The following CNOT4 variants were observed in gnomAD, a reference collection of about 807,000 sequenced individuals.
CNOT4 encodes the protein CCR4-NOT transcription complex subunit 4.
A neutral mutation model predicts 73.8 loss-of-function variants in CNOT4; 8 were observed. The observed-to-expected ratio is 0.11, with a 90% CI of 0.06 to 0.20. The LOEUF is 0.20. CNOT4 is among the 10% of genes least tolerant of loss of function. The pLI is 1.00. For synonymous variants in CNOT4, 293 were observed against 321.1 expected, an observed-to-expected ratio of 0.91 and a Z score of 0.94; for missense variants, 564 against 883.4, an observed-to-expected ratio of 0.64 and a Z score of 4.58.
intron 10 of CNOT4, chr7:135,387,140 AT>A: frequency 1.0e-6 from 1 of 978,224 alleles, no homozygotes; most frequent in Non-Finnish European, 1.2e-6. Flanking sequence ...TAAAAGACTG[AT>A]AATAAGTCTA....
In CNOT4 at chr7:135,442,459, C is replaced by T. The variant is rs545932083; in HGVS notation, c.-92-4036G>A. Among the ~76,000 whole-genome samples the T allele has an allele frequency of 1.3e-3, 204 of 151,950 alleles. 1 individual carries two copies. The highest frequency in any genetic ancestry group is 4.6e-3 in the African/African-American group (190 of 41,454). On this transcript the variant is annotated intron_variant, in intron 1 of 11. Coordinates refer to ENST00000541284, the MANE Select transcript of CNOT4 (RefSeq NM_001190850.2). ...TAAAAATACAAAAAAATTAGCCGAG[C>T]GTGTTGGTGCATGCCTGTAATCCCA...
chr7:135,434,843 A>G (rs1799057516), intron 2 of CNOT4, among the ~76,000 whole-genome samples: 1 of 152,144 alleles, frequency 6.6e-6, no homozygotes, highest in Non-Finnish European at 1.5e-5. Context: ...TCCCCATTTC[A>G]GTTAATGGCC....
chr7:135,413,986 T>C (rs1797715092), intron 5 of CNOT4, among the ~76,000 whole-genome samples: 1 of 152,044 alleles, frequency 6.6e-6, no homozygotes. Flanking sequence ...AAGCTTTGCT[T>C]AGTGGGACTC....
intron 1 of CNOT4, among the ~76,000 whole-genome samples, chr7:135,463,367 G>A: frequency 6.6e-6 from 1 of 151,998 alleles, no homozygotes; most frequent in African/African-American, 2.4e-5. Context: ...CTGAAACCCT[G>A]TCTCTATTAA....
intron 2 of CNOT4, among the ~76,000 whole-genome samples, chr7:135,437,478 C>T (rs540481192): frequency 2.9e-4 from 44 of 151,782 alleles, no homozygotes; most frequent in African/African-American, 7.5e-4. Context: ...CGTGAGCCAC[C>T]GCGCCCGGCC....
At chr7:135,411,881 G>A (rs1324694757) in intron 6 of CNOT4, among the ~76,000 whole-genome samples, 2 of 151,724 alleles carry the variant, frequency 1.3e-5, no homozygotes, top group Non-Finnish European at 1.5e-5. Context: ...TATTTCCTAT[G>A]GCACTAAATT....
chr7:135,499,391 G>T (rs1173694778), intron 1 of CNOT4, among the ~76,000 whole-genome samples: 1 of 151,816 alleles, frequency 6.6e-6, no homozygotes, highest in Non-Finnish European at 1.5e-5. Context: ...TTTATTTTCT[G>T]CCTCTCCTCC....
At chr7:135,447,464 C>A (rs1799904203) in intron 1 of CNOT4, among the ~76,000 whole-genome samples, 1 of 152,174 alleles carries the variant, frequency 6.6e-6, no homozygotes, top group South Asian at 2.1e-4. Flanking sequence ...AAGCCTCTCT[C>A]ATTAAAGGTT....
intron 1 of CNOT4, among the ~76,000 whole-genome samples, chr7:135,491,523 T>C (rs1197627530): frequency 6.6e-6 from 1 of 152,202 alleles, no homozygotes; most frequent in Non-Finnish European, 1.5e-5. Context: ...ATGACAGAAC[T>C]GACTACTAGA....
chr7:135,422,809 A>C (rs1585620196), intron 2 of CNOT4, among the ~76,000 whole-genome samples: 1 of 152,338 alleles, frequency 6.6e-6, no homozygotes, highest in Middle Eastern at 3.4e-3. Flanking sequence ...TTCTTAAAGC[A>C]ATTATTACTG....
At chr7:135,480,083 G>C (rs895777792) in intron 1 of CNOT4, among the ~76,000 whole-genome samples, 7 of 152,090 alleles carry the variant, frequency 4.6e-5, no homozygotes, top group African/African-American at 1.7e-4. Context: ...CTTATTTTAG[G>C]ATTTTGAAAT....
At chr7:135,378,204 G>C (rs966097795) in intron 10 of CNOT4, among the ~76,000 whole-genome samples, 1 of 152,164 alleles carries the variant, frequency 6.6e-6, no homozygotes, top group African/African-American at 2.4e-5. Context: ...GTGTTGTTTT[G>C]ATTTAAAAGA....
intron 2 of CNOT4, 55 bp from the exon 3 acceptor site, chr7:135,422,408 G>A (rs949052216): frequency 2.6e-5 from 21 of 805,334 alleles, no homozygotes; most frequent in African/African-American, 1.4e-4. Flanking sequence ...AAAAAACTGC[G>A]TAAGTAATTA....
At chr7:135,449,271 G>T (rs1011254673) in intron 1 of CNOT4, among the ~76,000 whole-genome samples, 20 of 152,240 alleles carry the variant, frequency 1.3e-4, no homozygotes, top group African/African-American at 4.8e-4. Context: ...ATGGGGCAGG[G>T]GGATTCTGAG....
chr7:135,465,101 A>C (rs534858132), intron 1 of CNOT4, among the ~76,000 whole-genome samples: 1 of 152,320 alleles, frequency 6.6e-6, no homozygotes, highest in Admixed American at 6.5e-5. Context: ...ATTTTTAATA[A>C]ATCTGGTGTA....
rs1794670220 is a variant in CNOT4, at chr7:135,361,964, A to C, written c.*921T>G. The C allele has an allele frequency of 6.5e-6, 1 of 152,684 alleles. No homozygotes were observed. The allele number at this position is 152,684 out of a possible 1,614,324, so 9.5% of individuals were successfully genotyped here. A position where few individuals can be genotyped will look rare whatever the true frequency, so the allele number is the denominator to read the frequency against. On this transcript the variant is annotated 3_prime_UTR_variant, in exon 12 of 12. Transcript: ENST00000541284. The stretch of plus-strand genomic sequence containing the variant: ...GTCCAGAAACTACAGGGTTAAGTAA[A>C]AGCTGCAGGCAAGGAGGTCAGAGAT...
At chr7:135,455,905 G>C (rs968358308) in intron 1 of CNOT4, among the ~76,000 whole-genome samples, 1 of 152,088 alleles carries the variant, frequency 6.6e-6, no homozygotes, top group South Asian at 2.1e-4. Flanking sequence ...ACATATAAGC[G>C]TGTTAATATC....
At chr7:135,375,514 A>G (rs970123790) in intron 10 of CNOT4, among the ~76,000 whole-genome samples, 4 of 152,206 alleles carry the variant, frequency 2.6e-5, no homozygotes, top group African/African-American at 9.7e-5. Flanking sequence ...TATTAGAGAG[A>G]CTTTCTGGAC....
At chr7:135,413,351 C>G (rs1461092249) in intron 6 of CNOT4, 137 bp downstream of exon 6, 7 of 973,166 alleles carry the variant, frequency 7.2e-6, no homozygotes, top group Non-Finnish European at 1.1e-5. Flanking sequence ...TTAAACACTT[C>G]ATTTGGCAAA....
Sources: allele counts gnomAD v4.1 joint callset (sites outside exome capture counted in the v4.1 genomes callset), GRCh38; gene constraint gnomAD v4.1.1; transcripts MANE v1.5; gene names NCBI Gene and HGNC (gene_info 2026-07-23, HGNC 2026-07-21).